CACNG2: variants seen among roughly 807,000 people sequenced by gnomAD.
CACNG2 encodes the protein voltage-dependent calcium channel gamma-2 subunit.
A neutral mutation model predicts 25.9 loss-of-function variants in CACNG2; 3 were observed. That is an observed-to-expected ratio of 0.12 (90% CI 0.05 to 0.30). The LOEUF is 0.30. Among genes scored for constraint, CACNG2 ranks in the 10% least tolerant of loss-of-function variants. CACNG2 has a pLI of 1.00. For synonymous variants in CACNG2, 167 were observed against 173.3 expected, an observed-to-expected ratio of 0.96 and a Z score of 0.29; for missense variants, 341 against 432.5, an observed-to-expected ratio of 0.79 and a Z score of 1.88.
intron 1 of CACNG2, among the ~76,000 whole-genome samples, chr22:36,600,981 G>A (rs1354146438): frequency 2.6e-5 from 4 of 152,132 alleles, no homozygotes; most frequent in Non-Finnish European, 4.4e-5. Flanking sequence ...ATAGTACCCA[G>A]TTTTTCCCTG....
chr22:36,668,378 C>T (rs1176691926), intron 1 of CACNG2, among the ~76,000 whole-genome samples: 1 of 152,202 alleles, frequency 6.6e-6, no homozygotes, highest in African/African-American at 2.4e-5. Context: ...GGAATTGGCT[C>T]ATGCTATTAG....
At chr22:36,566,641 A>T (rs1377125080) in intron 2 of CACNG2, 148 bp from the exon 3 acceptor site, 10 of 870,710 alleles carry the variant, frequency 1.1e-5, no homozygotes, top group East Asian at 2.6e-5. Context: ...CTAGGGAGGG[A>T]GAGACAGCGA....
intron 1 of CACNG2, among the ~76,000 whole-genome samples, chr22:36,690,960 C>T (rs890355941): frequency 6.6e-6 from 1 of 152,106 alleles, no homozygotes; most frequent in Non-Finnish European, 1.5e-5. Flanking sequence ...TCATTACTAA[C>T]ACCTTCCCCT....
chr22:36,619,761 C>T (rs573563066), intron 1 of CACNG2, among the ~76,000 whole-genome samples: 13 of 152,344 alleles, frequency 8.5e-5, no homozygotes, highest in African/African-American at 1.9e-4. Context: ...TGCTATTCTA[C>T]GAGTCTGACT....
At chr22:36,691,638 C>G (rs1901389379) in intron 1 of CACNG2, among the ~76,000 whole-genome samples, 1 of 152,160 alleles carries the variant, frequency 6.6e-6, no homozygotes, top group African/African-American at 2.4e-5. Context: ...GGGTTGGAAT[C>G]CCAGCTCTGC....
chr22:36,602,104 C>A (rs1935761705), intron 1 of CACNG2, among the ~76,000 whole-genome samples: 1 of 152,090 alleles, frequency 6.6e-6, no homozygotes, highest in South Asian at 2.1e-4. Flanking sequence ...TACCTATTGG[C>A]CATTTTAATG....
At chr22:36,682,229 G>A (rs756176716) in intron 1 of CACNG2, among the ~76,000 whole-genome samples, 9 of 152,198 alleles carry the variant, frequency 5.9e-5, no homozygotes, top group Admixed American at 2.6e-4. Flanking sequence ...GTGAAGAGAC[G>A]GAGTCCCAAA....
chr22:36,631,198 C>T lies in CACNG2; in HGVS notation c.212-43650G>A, dbSNP rs539939104. Among the ~76,000 whole-genome samples, 30 of 152,218 alleles carry T rather than the reference C, an allele frequency of 2.0e-4. No individual in the cohort carries two copies. The South Asian group carries it at 2.7e-3, about 14-fold the overall frequency. On this transcript the variant is annotated intron_variant, in intron 1 of 3. Coordinates refer to ENST00000300105, the MANE Select transcript of CACNG2 (RefSeq NM_006078.5). ...CGGTACACGTGTGAGATGAGAGAGG[C>T]GAGGACAAGGGAGCTCCTGTTCCCT...
At chr22:36,565,769 C>T (rs1230074692) in intron 3 of CACNG2, among the ~76,000 whole-genome samples, 3 of 152,188 alleles carry the variant, frequency 2.0e-5, no homozygotes, top group Admixed American at 6.5e-5. Context: ...GGATTGCAGG[C>T]GTGAGCCACT....
intron 2 of CACNG2, among the ~76,000 whole-genome samples, chr22:36,581,857 G>A (rs765818868): frequency 3.3e-5 from 5 of 152,174 alleles, no homozygotes; most frequent in Admixed American, 6.5e-5. Context: ...TACCGAGCCC[G>A]TGACATTGTC....
chr22:36,686,655 T>C (rs1293762937), intron 1 of CACNG2, among the ~76,000 whole-genome samples: 3 of 152,154 alleles, frequency 2.0e-5, no homozygotes, highest in African/African-American at 7.2e-5. Context: ...GAGCTGCTAC[T>C]ACGTGCCAGG....
intron 1 of CACNG2, among the ~76,000 whole-genome samples, chr22:36,696,540 G>A (rs1937343667): frequency 6.6e-6 from 1 of 152,188 alleles, no homozygotes; most frequent in African/African-American, 2.4e-5. Context: ...TCATTAACAA[G>A]GTAGATTGAC....
chr22:36,682,018 C>T (rs970696068), intron 1 of CACNG2, among the ~76,000 whole-genome samples: 2 of 152,188 alleles, frequency 1.3e-5, no homozygotes, highest in East Asian at 1.9e-4. Context: ...GGTGCTCAGC[C>T]GTCAGGAGAC....
chr22:36,643,491 T>C (rs939914480), intron 1 of CACNG2, among the ~76,000 whole-genome samples: 1 of 146,422 alleles, frequency 6.8e-6, no homozygotes, highest in Admixed American at 6.8e-5. Flanking sequence ...TATCTATCTA[T>C]CTATCTATCT....
intron 1 of CACNG2, among the ~76,000 whole-genome samples, chr22:36,656,897 C>G (rs1936714705): frequency 6.6e-6 from 1 of 152,224 alleles, no homozygotes; most frequent in Admixed American, 6.5e-5. Flanking sequence ...CTCTGCAGCA[C>G]TCAGCTCCAG....
chr22:36,703,618 C>T lies in CACNG2; in HGVS notation c.-1042G>A, dbSNP rs905889361. On this transcript the variant is annotated 5_prime_UTR_variant, in exon 1 of 4. Coordinates refer to ENST00000300105, the MANE Select transcript of CACNG2 (RefSeq NM_006078.5). Reference sequence around the variant, plus strand: ...CGCCCGCCAGGAGGGGGGCGCTGGCCAGAGTCCTCCCTCCCCGGGGCAGCA... The same window carrying T: ...CGCCCGCCAGGAGGGGGGCGCTGGCTAGAGTCCTCCCTCCCCGGGGCAGCA... 6.6e-6 allele frequency: 1 copy of T among 152,446 alleles called. No individual in the cohort carries two copies. The highest frequency in any genetic ancestry group is 6.5e-5 in the Admixed American group (1 of 15,286). The allele number at this position is 152,446 out of a possible 1,614,324, so 9.4% of individuals were successfully genotyped here.
At chr22:36,676,340 C>A (rs986016339) in intron 1 of CACNG2, among the ~76,000 whole-genome samples, 1 of 152,186 alleles carries the variant, frequency 6.6e-6, no homozygotes, top group African/African-American at 2.4e-5. Flanking sequence ...GGAACCATGG[C>A]CCTCTCTTTA....
intron 1 of CACNG2, among the ~76,000 whole-genome samples, chr22:36,652,501 G>A (rs1187342951): frequency 6.6e-6 from 1 of 151,978 alleles, no homozygotes; most frequent in Non-Finnish European, 1.5e-5. Flanking sequence ...CCCCTTTTAG[G>A]TCTTGCTCAC....
rs12169102 is a variant in CACNG2 at position 36,561,571 on chromosome 22, G to A, written c.*2780C>T. The A allele has an allele frequency of 0.17, 25,567 of 152,178 alleles. 2,492 individuals carry two copies. The highest frequency in any genetic ancestry group is 0.21 in the Non-Finnish European group (14,395 of 68,000). The allele number at this position is 152,178 out of a possible 1,614,324, so 9.4% of individuals were successfully genotyped here. On this transcript the variant is annotated 3_prime_UTR_variant, in exon 4 of 4. Transcript: ENST00000300105. The stretch of plus-strand genomic sequence containing the variant: ...AAAAGACAGGAAAGGCAGGTGAGAT[G>A]TGCAAGCTCAAAAAGCCTTACTAGC...
Sources: allele counts gnomAD v4.1 joint callset (sites outside exome capture counted in the v4.1 genomes callset), GRCh38; gene constraint gnomAD v4.1.1; transcripts MANE v1.5; gene names NCBI Gene and HGNC (gene_info 2026-07-23, HGNC 2026-07-21).